The following PCDHGB5 variants were observed in gnomAD, a reference collection of about 807,000 sequenced individuals.
PCDHGB5 encodes protocadherin gamma subfamily B, 5, also known as protocadherin gamma-B5.
A neutral mutation model predicts 62.9 loss-of-function variants in PCDHGB5; 48 were observed. That is an observed-to-expected ratio of 0.76 (90% CI 0.61 to 0.97). The LOEUF is 0.97. PCDHGB5 is among the 50% of genes least tolerant of loss of function. The pLI is 0.00. For missense variants in PCDHGB5, 1,118 were observed against 1,198.6 expected, an observed-to-expected ratio of 0.93 and a Z score of 0.99; for synonymous variants, 474 against 511.2, an observed-to-expected ratio of 0.93 and a Z score of 0.98.
intron 1 of PCDHGB5, among the ~76,000 whole-genome samples, chr5:141,425,819 A>C (rs1183860957): frequency 6.6e-6 from 1 of 152,246 alleles, no homozygotes; most frequent in Non-Finnish European, 1.5e-5. Flanking sequence ...TTAGAAAAAA[A>C]CAAACTTTTA....
chr5:141,489,250 A>C lies in PCDHGB5; in HGVS notation c.2398-5557A>C. 1 of 1,546,554 alleles carries C rather than the reference A, an allele frequency of 6.5e-7. No individual in the cohort carries two copies. The highest frequency in any genetic ancestry group is 8.7e-7 in the Non-Finnish European group (1 of 1,146,722). On this transcript the variant is annotated intron_variant, in intron 1 of 3. Transcript: ENST00000617380. This position sits in a 1 kb window ranked among gnomAD's most constrained non-coding sequence, Gnocchi z 4.5. The stretch of plus-strand genomic sequence containing the variant: ...AAGGGACTTCTGGGTCATGGGGCCC[A>C]AGACACTCCCACAGCTCGCTGGGAA...
At chr5:141,421,679 C>T (rs1210753842) in intron 1 of PCDHGB5, 2 of 1,613,810 alleles carry the variant, frequency 1.2e-6, no homozygotes, top group Admixed American at 1.7e-5. Context: ...ATTCCTGGGG[C>T]GCGATTTGCT....
At chr5:141,444,644 G>T (rs1300191764) in intron 1 of PCDHGB5, among the ~76,000 whole-genome samples, 1 of 151,892 alleles carries the variant, frequency 6.6e-6, no homozygotes, top group Non-Finnish European at 1.5e-5. Flanking sequence ...ATTGAGGTAG[G>T]GGTTGAAGTT....
At chr5:141,452,966 G>T (rs996204633) in intron 1 of PCDHGB5, among the ~76,000 whole-genome samples, 6 of 152,098 alleles carry the variant, frequency 3.9e-5, no homozygotes, top group Admixed American at 1.3e-4. Context: ...TAAACTGAGG[G>T]TATATTGTCA....
chr5:141,489,287 T>C lies in PCDHGB5; in HGVS notation c.2398-5520T>C. 1 of 1,573,410 alleles carries C rather than the reference T, an allele frequency of 6.4e-7. No individual in the cohort carries two copies. Among genetic ancestry groups the C allele is most frequent in the Non-Finnish European group, 8.6e-7 (1 of 1,159,858 alleles). ...CAGCTCGCTGGGAAATGGCAAGTGC[T>C]GTGCATGTTGTCCTTGTGCTGCTGG... On this transcript the variant is annotated intron_variant, in intron 1 of 3. Transcript: ENST00000617380. The surrounding 1 kb of genome is among the most constrained non-coding windows in gnomAD (Gnocchi z 4.5).
intron 1 of PCDHGB5, chr5:141,423,851 C>A (rs1311833319): frequency 2.4e-6 from 3 of 1,275,940 alleles, no homozygotes; most frequent in East Asian, 3.1e-5. Context: ...TCTTTCAGAA[C>A]GTTTTTGTGA....
intron 1 of PCDHGB5, chr5:141,409,361 G>A (rs754448763): frequency 6.2e-7 from 1 of 1,613,964 alleles, no homozygotes; most frequent in Non-Finnish European, 8.5e-7. Flanking sequence ...GTGTAATATA[G>A]AAACAGACAT....
At chr5:141,404,524 G>A (rs368795324) in intron 1 of PCDHGB5, 2 of 1,613,820 alleles carry the variant, frequency 1.2e-6, no homozygotes, top group African/African-American at 1.3e-5. Context: ...ACTATGAGCA[G>A]TTTAGAGATT....
At chr5:141,478,712 G>T in intron 1 of PCDHGB5, 1 of 1,547,046 alleles carries the variant, frequency 6.5e-7, no homozygotes, top group Non-Finnish European at 8.7e-7. Flanking sequence ...TTTGTGAGAT[G>T]GTGGCCTGCC....
chr5:141,409,041 A>G lies in PCDHGB5; in HGVS notation c.2397+8517A>G, dbSNP rs981171621. On this transcript the variant is annotated intron_variant, in intron 1 of 3. Coordinates refer to ENST00000617380, the MANE Select transcript of PCDHGB5 (RefSeq NM_018925.3). ...GGGGTCAATGCTGAGATAAACTACT[A>G]CTTCCGAAGCACTGCCCAGAGCACA... The G allele has an allele frequency of 8.7e-6, 14 of 1,613,864 alleles. No homozygotes were observed. Among genetic ancestry groups the G allele is most frequent in the Non-Finnish European group, 7.6e-6 (9 of 1,179,894 alleles).
intron 1 of PCDHGB5, chr5:141,407,888 C>T (rs769893466): frequency 2.6e-6 from 1 of 388,626 alleles, no homozygotes; most frequent in Non-Finnish European, 4.6e-6. Flanking sequence ...TTTCGGAGAC[C>T]GAATTCAAAA....
chr5:141,415,408 G>T, intron 1 of PCDHGB5: 1 of 1,614,224 alleles, frequency 6.2e-7, no homozygotes, highest in Non-Finnish European at 8.5e-7. Context: ...CTCGCACTTT[G>T]TGGGCGTGGA....
chr5:141,408,855 G>T, intron 1 of PCDHGB5: 1 of 1,613,572 alleles, frequency 6.2e-7, no homozygotes, highest in Non-Finnish European at 8.5e-7. Context: ...TTGGACGGAG[G>T]GGACCCACCA....
chr5:141,401,672 T>A (rs1468956975), intron 1 of PCDHGB5, among the ~76,000 whole-genome samples: 1 of 152,222 alleles, frequency 6.6e-6, no homozygotes, highest in African/African-American at 2.4e-5. Context: ...CTCAACATCC[T>A]TGTAGGATGG....
At chr5:141,449,080 A>G (rs2098627421) in intron 1 of PCDHGB5, among the ~76,000 whole-genome samples, 1 of 152,198 alleles carries the variant, frequency 6.6e-6, no homozygotes, top group Non-Finnish European at 1.5e-5. Context: ...CCCTGTACCT[A>G]CATCAGTTTT....
chr5:141,509,346 G>A (rs946395640), intron 3 of PCDHGB5, among the ~76,000 whole-genome samples: 7 of 152,194 alleles, frequency 4.6e-5, no homozygotes, highest in Non-Finnish European at 8.8e-5. Flanking sequence ...GCCTGGGCTG[G>A]CCTGGGCATC....
intron 1 of PCDHGB5, chr5:141,414,343 A>G: frequency 1.9e-6 from 3 of 1,613,882 alleles, no homozygotes; most frequent in Non-Finnish European, 2.5e-6. Flanking sequence ...AACCTGTTCC[A>G]TTTTGGCGTA....
intron 1 of PCDHGB5, chr5:141,418,093 C>G: frequency 8.1e-6 from 13 of 1,614,032 alleles, no homozygotes; most frequent in Non-Finnish European, 1.1e-5. Flanking sequence ...TCAGCGTAGA[C>G]GCGCAGAGCG....
intron 1 of PCDHGB5, among the ~76,000 whole-genome samples, chr5:141,450,561 A>G (rs1381887193): frequency 6.6e-6 from 1 of 151,856 alleles, no homozygotes; most frequent in Admixed American, 6.6e-5. Flanking sequence ...GTCTCGGCTC[A>G]CTGCAACTTC....
Sources: gnomAD v4.1 joint callset for allele counts (sites outside exome capture counted in the v4.1 genomes callset) on GRCh38, gnomAD v4.1.1 for gene constraint, Gnocchi (gnomAD v3.1) non-coding constraint, MANE v1.5 for transcripts, NCBI Gene and HGNC (gene_info 2026-07-23, HGNC 2026-07-21) for gene names.